BCAS3: variants seen among roughly 807,000 people sequenced by gnomAD.
BCAS3 encodes BCAS3 microtubule associated cell migration factor, also known as BCAS4/BCAS3 fusion.
BCAS3 carries 53 observed loss-of-function variants against 116.1 expected under a neutral mutation model. That is an observed-to-expected ratio of 0.46 (90% CI 0.37 to 0.57). The LOEUF (loss-of-function observed/expected upper bound fraction) is 0.57. Among genes scored for constraint, BCAS3 ranks in the 20% least tolerant of loss-of-function variants. BCAS3 has a pLI of 0.00. For missense variants in BCAS3, 917 were observed against 1,165.4 expected (o/e 0.79, Z 3.10); for synonymous variants, 391 against 408.2 (o/e 0.96, Z 0.51).
At chr17:60,719,324 G>A (rs1232740125) in intron 5 of BCAS3, among the ~76,000 whole-genome samples, 3 of 152,218 alleles carry the variant, frequency 2.0e-5, no homozygotes, top group Admixed American at 6.5e-5. Flanking sequence ...TATAGTATTC[G>A]CCAGTGCACA....
intron 14 of BCAS3, among the ~76,000 whole-genome samples, chr17:60,982,907 A>C (rs756685188): frequency 8.5e-5 from 13 of 152,126 alleles, no homozygotes; most frequent in Non-Finnish European, 1.8e-4. Flanking sequence ...GTCCACAAAC[A>C]TTTTCTGTGT....
At chr17:61,338,057 T>C (rs2056861036) in intron 22 of BCAS3, among the ~76,000 whole-genome samples, 1 of 152,234 alleles carries the variant, frequency 6.6e-6, no homozygotes, top group Non-Finnish European at 1.5e-5. Flanking sequence ...TCTCAGTGAC[T>C]AACCCTGGGC....
rs574759365 is a variant in BCAS3, at chr17:61,204,456, A to C, written c.2425+119892A>C. On this transcript the variant is annotated intron_variant, in intron 22 of 23. Coordinates refer to ENST00000407086, the MANE Select transcript of BCAS3 (RefSeq NM_017679.5). This position sits in a 1 kb window ranked among gnomAD's most constrained non-coding sequence, Gnocchi z 4.2. ...TTCCCACATTCATATTTGACTGCGC[A>C]TTATGTGAAAAATTGAATTTGGGAA... 6.6e-6 allele frequency among the ~76,000 whole-genome samples: 1 copy of C among 152,310 alleles called. No homozygotes were observed. The highest frequency in any genetic ancestry group is 1.9e-4 in the East Asian group (1 of 5,184).
At chr17:60,927,476 C>T (rs1048367410) in intron 13 of BCAS3, among the ~76,000 whole-genome samples, 2 of 152,022 alleles carry the variant, frequency 1.3e-5, no homozygotes, top group African/African-American at 4.8e-5. Flanking sequence ...AGTGTGGTCT[C>T]GATCTGTTGA....
At chr17:60,810,806 A>G (rs1292164928) in intron 7 of BCAS3, 2 of 675,534 alleles carry the variant, frequency 3.0e-6, no homozygotes, top group South Asian at 1.4e-5. Flanking sequence ...CTCTTCCTGA[A>G]GAAAAACCTC....
intron 6 of BCAS3, among the ~76,000 whole-genome samples, chr17:60,753,247 A>T (rs2042655299): frequency 6.6e-6 from 1 of 152,012 alleles, no homozygotes; most frequent in South Asian, 2.1e-4. Context: ...CATTGATTTG[A>T]GCCCTTTACT....
At position 61,324,270 on chromosome 17, in the gene BCAS3, A is replaced by G. The variant is rs537434757; in HGVS notation, c.2426-44057A>G. On this transcript the variant is annotated intron_variant, in intron 22 of 23. Coordinates refer to ENST00000407086, the MANE Select transcript of BCAS3 (RefSeq NM_017679.5). This position sits in a 1 kb window ranked among gnomAD's most constrained non-coding sequence, Gnocchi z 4.6. ...CGGGAGAGACCCTACCTCCTTTATCATACACATTGATGAAACTGAAGCCTA... is the reference window on the plus strand; with the variant it reads ...CGGGAGAGACCCTACCTCCTTTATCGTACACATTGATGAAACTGAAGCCTA... Among the ~76,000 whole-genome samples the G allele has an allele frequency of 6.6e-6, 1 of 152,246 alleles. No individual in the cohort carries two copies. The highest frequency in any genetic ancestry group is 1.5e-5 in the Non-Finnish European group (1 of 68,006).
rs2051333940 is a variant in BCAS3, at chr17:61,282,566, A to AGC, written c.2426-85759_2426-85758dup. Reference sequence around the variant, plus strand: ...TTAGACAGATGTGACTTCCTGTGTCAGCGAGGGAGGCTCCAAGGACAAGTT... The same window carrying AGC: ...TTAGACAGATGTGACTTCCTGTGTCAGCGCGAGGGAGGCTCCAAGGACAAGTT... On this transcript the variant is annotated intron_variant, in intron 22 of 23. Transcript: ENST00000407086. This position sits in a 1 kb window ranked among gnomAD's most constrained non-coding sequence, Gnocchi z 5.9. 6.6e-6 allele frequency among the ~76,000 whole-genome samples: 1 copy of AGC among 152,242 alleles called. No individual in the cohort carries two copies. Among genetic ancestry groups the AGC allele is most frequent in the Admixed American group, 6.5e-5 (1 of 15,276 alleles).
Position 61,355,181 on chromosome 17 carries a change from C to G in BCAS3, c.2426-13146C>G, listed in dbSNP as rs1425371929. On this transcript the variant is annotated intron_variant, in intron 22 of 23. Transcript: ENST00000407086. This position sits in a 1 kb window ranked among gnomAD's most constrained non-coding sequence, Gnocchi z 4.2. The stretch of plus-strand genomic sequence containing the variant: ...GTCAGAAATAATCCAAGAGGACAAG[C>G]CACTCGTGTCTGTGTGTATATTGGG... The G allele has an allele frequency of 6.6e-6, 1 of 152,228 alleles. No homozygotes were observed. The highest frequency in any genetic ancestry group is 1.9e-4 in the East Asian group (1 of 5,206). 9.4% of individuals were successfully genotyped at this position (152,228 alleles called of 1,614,324 possible).
At position 61,261,810 on chromosome 17, in the gene BCAS3, C is replaced by T. The variant is rs985660928; in HGVS notation, c.2426-106517C>T. 5.9e-5 allele frequency among the ~76,000 whole-genome samples: 9 copies of T among 152,128 alleles called. No individual in the cohort carries two copies. Among genetic ancestry groups the T allele is most frequent in the Admixed American group, 6.5e-5 (1 of 15,272 alleles). ...AATGGTTATATCATTCCCTCCAGGG[C>T]GCATAGCAATAACGTGAATTTTTTT... On this transcript the variant is annotated intron_variant, in intron 22 of 23. Transcript: ENST00000407086. This position sits in a 1 kb window ranked among gnomAD's most constrained non-coding sequence, Gnocchi z 4.4.
intron 7 of BCAS3, among the ~76,000 whole-genome samples, chr17:60,846,007 C>A (rs1171113801): frequency 6.6e-6 from 1 of 151,990 alleles, no homozygotes; most frequent in Non-Finnish European, 1.5e-5. Flanking sequence ...TGGCTCACTG[C>A]AGCCCCAACC....
At chr17:60,787,122 C>T (rs1304789310) in intron 6 of BCAS3, among the ~76,000 whole-genome samples, 1 of 152,162 alleles carries the variant, frequency 6.6e-6, no homozygotes, top group African/African-American at 2.4e-5. Context: ...TGCCACTAAA[C>T]ATATTTCTTA....
In BCAS3 at chr17:61,367,375, A is replaced by G. The variant is rs921035296; in HGVS notation, c.2426-952A>G. 6.6e-6 allele frequency among the ~76,000 whole-genome samples: 1 copy of G among 152,222 alleles called. No homozygotes were observed. Among genetic ancestry groups the G allele is most frequent in the Non-Finnish European group, 1.5e-5 (1 of 68,026 alleles). On this transcript the variant is annotated intron_variant, in intron 22 of 23. Transcript: ENST00000407086. This position sits in a 1 kb window ranked among gnomAD's most constrained non-coding sequence, Gnocchi z 6.2. ...TAAGCTTTCACAGAAGACTTGCTGTATAATAAAGTAGAATAATTCAAGTTC... is the reference window on the plus strand; with the variant it reads ...TAAGCTTTCACAGAAGACTTGCTGTGTAATAAAGTAGAATAATTCAAGTTC...
rs569211548 is a variant in BCAS3, at chr17:61,235,942, A to G, written c.2426-132385A>G. On this transcript the variant is annotated intron_variant, in intron 22 of 23. Coordinates refer to ENST00000407086, the MANE Select transcript of BCAS3 (RefSeq NM_017679.5). The surrounding 1 kb of genome is among the most constrained non-coding windows in gnomAD (Gnocchi z 5.0). ...CCTGTGCTGTTTTTGAACATACTCA[A>G]ACAAAGGCTGATTATCCAAACAAGA... Among the ~76,000 whole-genome samples, 1 of 152,332 alleles carries G rather than the reference A, an allele frequency of 6.6e-6. No individual in the cohort carries two copies. The highest frequency in any genetic ancestry group is 2.4e-5 in the African/African-American group (1 of 41,578).
At chr17:60,787,944 A>T (rs1261411324) in intron 6 of BCAS3, among the ~76,000 whole-genome samples, 1 of 150,842 alleles carries the variant, frequency 6.6e-6, no homozygotes, top group African/African-American at 2.4e-5. Context: ...TAGAAAAGTT[A>T]AAAAAAAAGA....
At chr17:61,143,852 T>TG (rs1448244695) in intron 22 of BCAS3, among the ~76,000 whole-genome samples, 1 of 152,124 alleles carries the variant, frequency 6.6e-6, no homozygotes, top group African/African-American at 2.4e-5. Flanking sequence ...CACAGAAAGA[T>TG]AGGACACCTA....
At chr17:60,866,955 A>G (rs996833419) in intron 7 of BCAS3, among the ~76,000 whole-genome samples, 13 of 151,832 alleles carry the variant, frequency 8.6e-5, no homozygotes, top group African/African-American at 3.1e-4. Flanking sequence ...TTTTTTCTTT[A>G]TTGTACCTTT....
chr17:61,206,033 C>G (rs2081102644), intron 22 of BCAS3, among the ~76,000 whole-genome samples: 1 of 152,190 alleles, frequency 6.6e-6, no homozygotes, highest in South Asian at 2.1e-4. Flanking sequence ...AAGCACACTC[C>G]TCACTTCTGG....
chr17:60,767,184 G>A (rs554821680), intron 6 of BCAS3, among the ~76,000 whole-genome samples: 10 of 151,986 alleles, frequency 6.6e-5, no homozygotes, highest in South Asian at 4.2e-4. Context: ...GCTTCGGCTC[G>A]CCCTCCGTGG....
Sources: gnomAD v4.1 joint callset for allele counts (sites outside exome capture counted in the v4.1 genomes callset) on GRCh38, gnomAD v4.1.1 for gene constraint, Gnocchi (gnomAD v3.1) non-coding constraint, MANE v1.5 for transcripts, NCBI Gene and HGNC (gene_info 2026-07-23, HGNC 2026-07-21) for gene names.